Variants in ZNF521 observed in about 807,000 individuals in gnomAD.
ZNF521 encodes zinc finger protein 521, also known as LYST-interacting protein 3.
In ZNF521, 14 loss-of-function variants were observed where a neutral mutation model predicts 105.5. That is an observed-to-expected ratio of 0.13 (90% confidence interval 0.09 to 0.21). The LOEUF (loss-of-function observed/expected upper bound fraction) is 0.21, where lower values mean the gene tolerates loss of function less well. Among genes scored for constraint, ZNF521 ranks in the 10% least tolerant of loss-of-function variants. The probability of loss-of-function intolerance (pLI) is 1.00; values close to 1 mark genes in which losing one functional copy is unlikely to be tolerated. For missense variants in ZNF521, 1,233 were observed against 1,629.7 expected (o/e 0.76, Z 4.19); for synonymous variants, 635 against 606.0 (o/e 1.05, Z -0.70).
chr18:25,299,492 C>T (rs59871440), intron 3 of ZNF521, among the ~76,000 whole-genome samples: 10,176 of 152,180 alleles, frequency 0.067, 668 homozygotes, highest in African/African-American at 0.17. Flanking sequence ...AGACAAATAC[C>T]TGAAATACAA....
At chr18:25,277,435 C>A (rs2144972179) in intron 3 of ZNF521, among the ~76,000 whole-genome samples, 1 of 152,138 alleles carries the variant, frequency 6.6e-6, no homozygotes, top group South Asian at 2.1e-4. Flanking sequence ...AAAAAAACCC[C>A]TACATAAATC....
intron 7 of ZNF521, among the ~76,000 whole-genome samples, chr18:25,080,201 T>C (rs1420955266): frequency 6.6e-6 from 1 of 152,214 alleles, no homozygotes; most frequent in African/African-American, 2.4e-5. Flanking sequence ...CACTCACTCA[T>C]TCAATGAAGT....
At chr18:25,262,000 C>T (rs143092934) in intron 3 of ZNF521, among the ~76,000 whole-genome samples, 37 of 152,274 alleles carry the variant, frequency 2.4e-4, no homozygotes, top group African/African-American at 6.0e-4. Flanking sequence ...TTATAAAACT[C>T]TTAGTTAAGT....
At chr18:25,157,281 T>C (rs540039137) in intron 5 of ZNF521, among the ~76,000 whole-genome samples, 6 of 152,190 alleles carry the variant, frequency 3.9e-5, no homozygotes, top group African/African-American at 1.4e-4. Context: ...TGTTGCTACA[T>C]ATCTGATGGA....
At chr18:25,164,141 T>C (rs1036786082) in intron 5 of ZNF521, among the ~76,000 whole-genome samples, 2 of 152,026 alleles carry the variant, frequency 1.3e-5, no homozygotes, top group Admixed American at 1.3e-4. Flanking sequence ...TAGGGTGGTA[T>C]CCCCCCCACT....
At position 25,241,834 on chromosome 18, in the gene ZNF521, ATC is replaced by A. The variant is rs760459547; in HGVS notation, c.221-14139_221-14138del. On this transcript the variant is annotated intron_variant, in intron 3 of 7. Transcript: ENST00000361524. ...TCAGGCCAATCTGTGTGCCTTCCAC[ATC>A]TCTGTTTTTCCTTCTCACTTTTTAT... Among the ~76,000 whole-genome samples, 230 of 152,304 alleles carry A rather than the reference ATC, an allele frequency of 1.5e-3. 1 individual carries two copies. Among genetic ancestry groups the A allele is most frequent in the Non-Finnish European group, 2.7e-3 (185 of 68,026 alleles).
intron 3 of ZNF521, among the ~76,000 whole-genome samples, chr18:25,318,787 A>G (rs921482160): frequency 2.0e-5 from 3 of 152,134 alleles, no homozygotes; most frequent in African/African-American, 7.2e-5. Context: ...TTTATGAGCC[A>G]TATTATGAGT....
chr18:25,197,571 C>A (rs548958308), intron 4 of ZNF521, among the ~76,000 whole-genome samples: 1 of 151,900 alleles, frequency 6.6e-6, no homozygotes, highest in Admixed American at 6.6e-5. Flanking sequence ...GGGATTATAA[C>A]CTCTGAACAG....
At chr18:25,144,887 C>T (rs2144456070) in intron 5 of ZNF521, among the ~76,000 whole-genome samples, 1 of 152,290 alleles carries the variant, frequency 6.6e-6, no homozygotes, top group Middle Eastern at 3.4e-3. Flanking sequence ...AAAATATCTA[C>T]TGCAGTGCTA....
chr18:25,349,042 C>A (rs974700523), intron 2 of ZNF521, among the ~76,000 whole-genome samples: 3 of 152,050 alleles, frequency 2.0e-5, no homozygotes, highest in African/African-American at 7.3e-5. Context: ...GCCAATCGTG[C>A]AAACTTTAAT....
chr18:25,260,057 AC>A (rs1454927778), intron 3 of ZNF521, among the ~76,000 whole-genome samples: 1 of 152,078 alleles, frequency 6.6e-6, no homozygotes, highest in East Asian at 1.9e-4. Context: ...TGCATAAAGG[AC>A]TCTGAAGTTC....
At chr18:25,110,027 TCTC>T (rs1174363222) in intron 5 of ZNF521, among the ~76,000 whole-genome samples, 1 of 152,170 alleles carries the variant, frequency 6.6e-6, no homozygotes, top group Non-Finnish European at 1.5e-5. Flanking sequence ...TTCTTCCTCT[TCTC>T]CTCCATATAG....
intron 5 of ZNF521, among the ~76,000 whole-genome samples, chr18:25,155,339 C>T (rs1450822771): frequency 6.6e-6 from 1 of 152,080 alleles, no homozygotes; most frequent in East Asian, 1.9e-4. Context: ...AATATTTTTT[C>T]CCAATCTAGC....
rs199686301 is a variant in ZNF521, at chr18:25,226,194, A to C, written c.1724T>G (p.Leu575Arg). The C allele has an allele frequency of 6.2e-7, 1 of 1,614,184 alleles. No homozygotes were observed. Among genetic ancestry groups the C allele is most frequent in the African/African-American group, 1.3e-5 (1 of 75,060 alleles). ...CTNSPIFNSV[L>R]KLNKHIKENH... Reference sequence around the variant, plus strand: ...CTCTTTGATATGCTTGTTCAGTTTAAGAACGCTGTTGAATATTGGCGAATT... The same window carrying C: ...CTCTTTGATATGCTTGTTCAGTTTACGAACGCTGTTGAATATTGGCGAATT... The change falls in exon 4 of 8, where the codon CTT becomes CGT. Residue 575 changes from leucine (L) to arginine (R), a missense_variant. Physicochemically the swap from Leu to Arg is moderately radical, Grantham distance 102. Transcript: ENST00000361524. The surrounding 1 kb of genome is among the most constrained non-coding windows in gnomAD (Gnocchi z 4.1).
chr18:25,275,608 T>C (rs1030607236), intron 3 of ZNF521, among the ~76,000 whole-genome samples: 3 of 152,230 alleles, frequency 2.0e-5, no homozygotes, highest in African/African-American at 7.2e-5. Flanking sequence ...TGTATCCACA[T>C]GATGACAAGC....
chr18:25,234,974 TAATA>T (rs1906788204), intron 3 of ZNF521, among the ~76,000 whole-genome samples: 1 of 152,154 alleles, frequency 6.6e-6, no homozygotes, highest in African/African-American at 2.4e-5. Flanking sequence ...ATAACAGTCT[TAATA>T]AATAAAAATA....
intron 4 of ZNF521, among the ~76,000 whole-genome samples, chr18:25,203,435 A>G (rs2036026087): frequency 6.6e-6 from 1 of 152,122 alleles, no homozygotes; most frequent in Non-Finnish European, 1.5e-5. Flanking sequence ...TGGGCAAGGT[A>G]GCAAGACCCC....
intron 3 of ZNF521, among the ~76,000 whole-genome samples, chr18:25,297,500 G>A (rs73944002): frequency 0.35 from 52,498 of 151,924 alleles, 10,428 homozygotes; most frequent in South Asian, 0.51. Flanking sequence ...GAAATTTTTT[G>A]ACTATAACAG....
chr18:25,139,905 C>G (rs1475918726), intron 5 of ZNF521, among the ~76,000 whole-genome samples: 1 of 152,124 alleles, frequency 6.6e-6, no homozygotes, highest in Admixed American at 6.6e-5. Flanking sequence ...AAAGAAATCC[C>G]GAATAACTTC....
Sources: gnomAD v4.1 joint callset for allele counts (sites outside exome capture counted in the v4.1 genomes callset) on GRCh38, gnomAD v4.1.1 for gene constraint, Gnocchi (gnomAD v3.1) non-coding constraint, MANE v1.5 for transcripts, NCBI Gene and HGNC (gene_info 2026-07-23, HGNC 2026-07-21) for gene names.